SI: variants seen among roughly 807,000 people sequenced by gnomAD.
SI encodes the protein sucrase-isomaltase.
In SI, 235 loss-of-function variants were observed where a neutral mutation model predicts 253.3. The ratio of observed to expected loss-of-function variants is 0.93; its 90% CI spans 0.83 to 1.03. The LOEUF is 1.03. Ranked by LOEUF, SI falls within the 50% of genes least tolerant of loss-of-function variation. The pLI is 0.00. For synonymous variants in SI, 819 were observed against 712.0 expected, an observed-to-expected ratio of 1.15 and a Z score of -2.39; for missense variants, 2,442 against 2,211.1, an observed-to-expected ratio of 1.10 and a Z score of -2.09.
In SI at chr3:165,071,885, G is replaced by T. The variant is rs550216836; in HGVS notation, c.255+2646C>A. Among the ~76,000 whole-genome samples, 6 of 152,210 alleles carry T rather than the reference G, an allele frequency of 3.9e-5. No individual in the cohort carries two copies. In the South Asian group the frequency reaches 1.2e-3, roughly 32 times the overall value. ...CTTCCAAGACTGTGAGAAAATAATTGATATTGTTTAAGCTGCCCATTCTGC... is the reference window on the plus strand; with the variant it reads ...CTTCCAAGACTGTGAGAAAATAATTTATATTGTTTAAGCTGCCCATTCTGC... On this transcript the variant is annotated intron_variant, in intron 3 of 47. Coordinates refer to ENST00000264382, the MANE Select transcript of SI (RefSeq NM_001041.4).
intron 9 of SI, among the ~76,000 whole-genome samples, chr3:165,060,951 A>G (rs1020173973): frequency 2.0e-5 from 3 of 150,102 alleles, no homozygotes; most frequent in Non-Finnish European, 4.4e-5. Flanking sequence ...GAAATTAATT[A>G]CTCATGTTGG....
intron 32 of SI, among the ~76,000 whole-genome samples, 165 bp downstream of exon 32, chr3:165,015,787 A>G (rs1295299076): frequency 6.6e-6 from 1 of 152,066 alleles, no homozygotes. Flanking sequence ...GCTGATCACA[A>G]CCCATGCAAA....
rs1560012307 is a variant in SI, at chr3:165,059,064, C to G, written c.1297G>C (p.Gly433Arg). Residue 433 changes from glycine to arginine, a missense_variant, in exon 12 of 48, where the codon GGT becomes CGT. Physicochemically the swap from Gly to Arg is moderately radical, Grantham distance 125. Transcript: ENST00000264382. ...TATGTTGTTCCATTGGCACGTCGAC[C>G]TATGGAAATTGCAGGGTCCTAATAA... ...VIILDPAISI[G>R]RRANGTTYAT... 4.3e-6 allele frequency: 7 copies of G among 1,612,464 alleles called. No individual in the cohort carries two copies. Among genetic ancestry groups the G allele is most frequent in the Non-Finnish European group, 4.2e-6 (5 of 1,179,202 alleles).
At chr3:165,029,825 G>C (rs1164561090) in intron 25 of SI, among the ~76,000 whole-genome samples, 1 of 150,272 alleles carries the variant, frequency 6.7e-6, no homozygotes, top group African/African-American at 2.4e-5. Context: ...CAACTTAAGA[G>C]AAGGTTTAGA....
chr3:164,989,447 AGAGAG>A (rs1161393107), intron 44 of SI, among the ~76,000 whole-genome samples: 33 of 149,328 alleles, frequency 2.2e-4, no homozygotes, highest in Non-Finnish European at 3.3e-4. Context: ...GAAAGAAAGA[AGAGAG>A]GAGAGGAGAG....
At chr3:165,050,963 C>A (rs1393113236) in intron 13 of SI, among the ~76,000 whole-genome samples, 1 of 151,954 alleles carries the variant, frequency 6.6e-6, no homozygotes, top group African/African-American at 2.4e-5. Flanking sequence ...CTGAGACTTC[C>A]CAGATAATAT....
intron 18 of SI, among the ~76,000 whole-genome samples, chr3:165,040,448 T>C (rs994324293): frequency 2.0e-5 from 3 of 152,086 alleles, no homozygotes; most frequent in Admixed American, 6.6e-5. Context: ...GTATCGGAAA[T>C]CTTTCATGTT....
intron 47 of SI, among the ~76,000 whole-genome samples, chr3:164,980,774 A>C (rs779302043): frequency 6.6e-6 from 1 of 152,004 alleles, no homozygotes; most frequent in Non-Finnish European, 1.5e-5. Context: ...ACGACCTTGA[A>C]ATAACACCCC....
chr3:165,079,818 G>T (rs1418989450), upstream of SI, among the ~76,000 whole-genome samples: 1 of 151,762 alleles, frequency 6.6e-6, no homozygotes, highest in Non-Finnish European at 1.5e-5. Context: ...TAAGTTGATA[G>T]ATAGCTAGAT....
At chr3:165,062,595 TTAAA>T in intron 8 of SI, 112 bp from the exon 9 acceptor site, 1 of 634,374 alleles carries the variant, frequency 1.6e-6, no homozygotes, top group Admixed American at 2.5e-5. Flanking sequence ...TACAATATGT[TTAAA>T]TAATTAAGAA....
chr3:165,031,273 G>A (rs1234918643), intron 24 of SI, among the ~76,000 whole-genome samples: 1 of 148,658 alleles, frequency 6.7e-6, no homozygotes, highest in African/African-American at 2.5e-5. Flanking sequence ...AAAACTTTAA[G>A]GAATGAAAAT....
chr3:165,049,148 C>G lies in SI; in HGVS notation c.1694G>C (p.Ser565Thr), dbSNP rs149898910. 1.6e-5 allele frequency: 25 copies of G among 1,592,222 alleles called. No individual in the cohort carries two copies. In the African/African-American group the frequency reaches 3.1e-4, roughly 20 times the overall value. The change falls in exon 15 of 48, where the codon AGC becomes ACC. Residue 565 changes from serine (S) to threonine (T), a missense_variant. By Grantham distance (58) the Ser-to-Thr change is moderately conservative. Transcript: ENST00000264382. The stretch of plus-strand genomic sequence containing the variant: ...TTACTGCTCTGTGGCTATAGCCATG[C>G]TGTATCCATAGAGGCTATGAACATC... The part of the protein sequence containing the change: ...QYDVHSLYGY[S>T]MAIATEQAVQ...
intron 34 of SI, 148 bp from the exon 35 acceptor site, chr3:165,009,543 G>A: frequency 1.6e-6 from 1 of 637,692 alleles, no homozygotes; most frequent in East Asian, 2.8e-5. Context: ...AAATGTGTGT[G>A]GTTTCTTCCT....
rs778500157 is a variant in SI, at chr3:165,017,797, G to T, written c.3597C>A (p.Gly1199=). The T allele has an allele frequency of 6.2e-7, 1 of 1,612,880 alleles. No homozygotes were observed. Among genetic ancestry groups the T allele is most frequent in the East Asian group, 2.2e-5 (1 of 44,756 alleles). ...GCTTTGTTGCAACTTCTGGAGTTGG[G>T]CCCAAAAACATATAAAAATCCAAGA... The part of the protein sequence containing the change: ...GGILDFYMFL[G]PTPEVATKQY... The change falls in exon 30 of 48, where the codon GGC becomes GGA. Residue 1199 remains glycine, a synonymous_variant. Transcript: ENST00000264382.
chr3:165,049,740 A>G, intron 14 of SI, 51 bp downstream of exon 14: 1 of 1,072,820 alleles, frequency 9.3e-7, no homozygotes, highest in Non-Finnish European at 1.4e-6. Flanking sequence ...CTAGTCAACT[A>G]CAAAATTATT....
chr3:165,056,107 G>A (rs1432534667), intron 12 of SI, among the ~76,000 whole-genome samples: 3 of 152,118 alleles, frequency 2.0e-5, no homozygotes, highest in Non-Finnish European at 4.4e-5. Context: ...TTTAATTTCA[G>A]ATAAGTTGAG....
In SI at chr3:165,018,793, A is replaced by G. The variant is rs371385542; in HGVS notation, c.3424-727T>C. ...ACAAATGCTGAAGGGATTTTAAGAA[A>G]TCAGTTTTGGTAAAATGTATTCTTT... On this transcript the variant is annotated intron_variant, in intron 28 of 47. Coordinates refer to ENST00000264382, the MANE Select transcript of SI (RefSeq NM_001041.4). Among the ~76,000 whole-genome samples the G allele has an allele frequency of 4.4e-3, 660 of 151,640 alleles. 6 individuals carry two copies. The highest frequency in any genetic ancestry group is 0.015 in the African/African-American group (628 of 41,486).
intron 34 of SI, among the ~76,000 whole-genome samples, chr3:165,009,688 C>CT (rs917775156): frequency 1.3e-5 from 2 of 152,082 alleles, no homozygotes; most frequent in African/African-American, 2.4e-5. Context: ...AATGGGGAAG[C>CT]TTTTTTTCTC....
chr3:164,997,075 A>T (rs1197295315), intron 38 of SI, among the ~76,000 whole-genome samples: 5 of 151,768 alleles, frequency 3.3e-5, no homozygotes, highest in Non-Finnish European at 7.4e-5. Context: ...AGTGGTGTCC[A>T]CAGTTTCATT....
Sources: allele counts gnomAD v4.1 joint callset (sites outside exome capture counted in the v4.1 genomes callset), GRCh38; gene constraint gnomAD v4.1.1; transcripts MANE v1.5; gene names NCBI Gene and HGNC (gene_info 2026-07-23, HGNC 2026-07-21).